DOP1B: variants seen among roughly 807,000 people sequenced by gnomAD.
The protein encoded by DOP1B is protein DOP1B.
Under a neutral mutation model 233.5 loss-of-function variants are expected in DOP1B, and 174 were observed. The ratio of observed to expected loss-of-function variants is 0.75; its 90% CI spans 0.66 to 0.85. The LOEUF (loss-of-function observed/expected upper bound fraction) is 0.85, where lower values mean the gene tolerates loss of function less well. DOP1B is among the 40% of genes least tolerant of loss of function. The probability of loss-of-function intolerance (pLI) is 0.00; values close to 1 mark genes in which losing one functional copy is unlikely to be tolerated. For missense variants in DOP1B, 2,652 were observed against 2,846.6 expected (o/e 0.93, Z 1.56); for synonymous variants, 1,190 against 1,185.6 (o/e 1.00, Z -0.08).
intron 23 of DOP1B, among the ~76,000 whole-genome samples, chr21:36,258,409 G>T (rs1227125458): frequency 6.7e-6 from 1 of 149,552 alleles, no homozygotes; most frequent in Admixed American, 6.6e-5. Context: ...GAAAACAAAA[G>T]AAAGACTTTT....
At chr21:36,157,781 T>C (rs1264540022) in intron 1 of DOP1B, among the ~76,000 whole-genome samples, 2 of 152,236 alleles carry the variant, frequency 1.3e-5, no homozygotes, top group African/African-American at 2.4e-5. Context: ...TTATCAATTT[T>C]ATTACTAATA....
chr21:36,236,677 A>G (rs1188993338), intron 15 of DOP1B, among the ~76,000 whole-genome samples: 1 of 152,110 alleles, frequency 6.6e-6, no homozygotes. Context: ...CAGTGTTCTT[A>G]GTCGGCCAGA....
chr21:36,210,567 C>T (rs952933687), intron 5 of DOP1B, among the ~76,000 whole-genome samples: 8 of 152,126 alleles, frequency 5.3e-5, no homozygotes, highest in African/African-American at 1.9e-4. Flanking sequence ...ATCGCTTGAA[C>T]CTGGGAGGCG....
At chr21:36,167,609 A>G (rs1401530049) in intron 2 of DOP1B, among the ~76,000 whole-genome samples, 1 of 152,228 alleles carries the variant, frequency 6.6e-6, no homozygotes. Flanking sequence ...AGTGGCCTTT[A>G]GTATGTTTAC....
At chr21:36,205,498 C>T (rs1431664365) in intron 4 of DOP1B, among the ~76,000 whole-genome samples, 2 of 152,068 alleles carry the variant, frequency 1.3e-5, no homozygotes, top group South Asian at 2.1e-4. Context: ...AAGCAATTCT[C>T]CTGCCTCAGC....
chr21:36,222,839 G>A (rs957892699), intron 10 of DOP1B, among the ~76,000 whole-genome samples: 5 of 151,986 alleles, frequency 3.3e-5, no homozygotes, highest in East Asian at 1.9e-4. Context: ...AGGTTCAGGC[G>A]ATTCTCCCAC....
In DOP1B at chr21:36,245,469, G is replaced by A. The variant is rs201969517; in HGVS notation, c.3489G>A (p.Ala1163=). 7.3e-5 allele frequency: 117 copies of A among 1,613,716 alleles called. No individual in the cohort carries two copies. The highest frequency in any genetic ancestry group is 2.2e-5 in the East Asian group (1 of 44,904). Residue 1163 remains alanine (A), a synonymous_variant, in exon 19 of 37, where the codon GCG becomes GCA. Coordinates refer to ENST00000691173, the MANE Select transcript of DOP1B (RefSeq NM_001320714.2). This position sits in a 1 kb window ranked among gnomAD's most constrained non-coding sequence, Gnocchi z 5.5. Reference sequence around the variant, plus strand: ...ACCCCAAGCGCTCGGCCCTGCTGGCGGCCTTCCAGTCAGAAAGCTTCAAGG... The same window carrying A: ...ACCCCAAGCGCTCGGCCCTGCTGGCAGCCTTCCAGTCAGAAAGCTTCAAGG... ...RAYPKRSALL[A]AFQSESFKAG...
chr21:36,246,762 G>A lies in DOP1B; in HGVS notation c.4697+85G>A, dbSNP rs561488195. 32 of 1,490,102 alleles carry A rather than the reference G, an allele frequency of 2.1e-5. No individual in the cohort carries two copies. Among genetic ancestry groups the A allele is most frequent in the South Asian group, 1.3e-4 (10 of 76,332 alleles). 92.3% of individuals were successfully genotyped at this position (1,490,102 alleles called of 1,614,324 possible). ...CTGTTTTGCCACGGATGTGGATGTC[G>A]GTTGGAGGATAATTTCATCCCAATG... On this transcript the variant is annotated intron_variant, in intron 19 of 36. Coordinates refer to ENST00000691173, the MANE Select transcript of DOP1B (RefSeq NM_001320714.2). The surrounding 1 kb of genome is among the most constrained non-coding windows in gnomAD (Gnocchi z 5.1).
chr21:36,261,638 G>A, intron 24 of DOP1B: 1 of 985,068 alleles, frequency 1.0e-6, no homozygotes, highest in Non-Finnish European at 1.2e-6. Flanking sequence ...TGGGTGCGGT[G>A]GCTCAACGCC....
At chr21:36,202,043 C>T (rs893680353) in intron 4 of DOP1B, among the ~76,000 whole-genome samples, 6 of 152,092 alleles carry the variant, frequency 3.9e-5, no homozygotes, top group East Asian at 1.9e-4. Flanking sequence ...AAAAATTAGC[C>T]GGACATGGTG....
intron 36 of DOP1B, 56 bp from the exon 37 acceptor site, chr21:36,293,264 C>G (rs1481747645): frequency 1.2e-5 from 19 of 1,569,746 alleles, no homozygotes; most frequent in Non-Finnish European, 1.4e-5. Context: ...TGCTTCCCAG[C>G]CATCTCGAGC....
chr21:36,283,869 A>AGCATATTG (rs1186967576), intron 32 of DOP1B, among the ~76,000 whole-genome samples: 1 of 150,558 alleles, frequency 6.6e-6, no homozygotes, highest in Non-Finnish European at 1.5e-5. Context: ...TGAAAAGGAG[A>AGCATATTG]GCATATTGGG....
At chr21:36,205,772 G>A (rs963733621) in intron 4 of DOP1B, among the ~76,000 whole-genome samples, 9 of 151,966 alleles carry the variant, frequency 5.9e-5, no homozygotes, top group Admixed American at 1.3e-4. Flanking sequence ...TTGGGAGGCC[G>A]AGGCGGGGGG....
chr21:36,224,099 G>T (rs2066655766), intron 11 of DOP1B, among the ~76,000 whole-genome samples: 1 of 152,120 alleles, frequency 6.6e-6, no homozygotes, highest in Non-Finnish European at 1.5e-5. Context: ...ACAGGCAACA[G>T]CAAGGCCATA....
At chr21:36,266,639 G>A (rs1222473364) in intron 26 of DOP1B, among the ~76,000 whole-genome samples, 4 of 152,164 alleles carry the variant, frequency 2.6e-5, no homozygotes, top group Admixed American at 2.6e-4. Flanking sequence ...GTTACTTTGG[G>A]GTTTGTGGAA....
At chr21:36,193,144 C>A (rs1171165906) in intron 2 of DOP1B, among the ~76,000 whole-genome samples, 1 of 152,212 alleles carries the variant, frequency 6.6e-6, no homozygotes, top group Admixed American at 6.5e-5. Context: ...TAAGTAATAT[C>A]TTTTCCTCAT....
chr21:36,277,900 C>T (rs1023854869), intron 28 of DOP1B, 75 bp from the exon 29 acceptor site: 2 of 1,225,976 alleles, frequency 1.6e-6, no homozygotes, highest in Non-Finnish European at 2.4e-6. Context: ...CCTCAGCCTC[C>T]CGAAGTGCTG....
Position 36,208,891 on chromosome 21 carries a change from A to G in DOP1B, c.668A>G (p.Asn223Ser), listed in dbSNP as rs200705051. 9.6e-5 allele frequency: 147 copies of G among 1,533,494 alleles called. No individual in the cohort carries two copies. Among genetic ancestry groups the G allele is most frequent in the Non-Finnish European group, 1.2e-4 (138 of 1,140,386 alleles). 95.0% of individuals were successfully genotyped at this position (1,533,494 alleles called of 1,614,324 possible). A position where few individuals can be genotyped will look rare whatever the true frequency, so the allele number is the denominator to read the frequency against. The change falls in exon 5 of 37, where the codon AAT becomes AGT. Residue 223 changes from asparagine (N) to serine (S), a missense_variant. Coordinates refer to ENST00000691173, the MANE Select transcript of DOP1B (RefSeq NM_001320714.2). ...GREQKYMLGT[N>S]HQLTVKSLRA... ...GAGCAGAAGTACATGCTGGGGACCA[A>G]TCACCAACTCACGGTGGGTGCTGTG...
intron 2 of DOP1B, chr21:36,169,665 G>T: frequency 1.1e-6 from 1 of 898,380 alleles, no homozygotes. Context: ...TTCTGGCGCA[G>T]AGGAAGTAGG....
Sources: gnomAD v4.1 joint callset for allele counts (sites outside exome capture counted in the v4.1 genomes callset) on GRCh38, gnomAD v4.1.1 for gene constraint, Gnocchi (gnomAD v3.1) non-coding constraint, MANE v1.5 for transcripts, NCBI Gene and HGNC (gene_info 2026-07-23, HGNC 2026-07-21) for gene names.